Variants in HSF2 observed in about 807,000 individuals in gnomAD.
HSF2 encodes the protein heat shock factor protein 2.
In HSF2, 21 loss-of-function variants were observed where a neutral mutation model predicts 65.0. That is an observed-to-expected ratio of 0.32 (90% confidence interval 0.23 to 0.47). HSF2 has a LOEUF of 0.47. Ranked by LOEUF, HSF2 falls within the 20% of genes least tolerant of loss-of-function variation. The pLI is 1.00. For missense variants in HSF2, 499 were observed against 628.1 expected (o/e 0.79, Z 2.20); for synonymous variants, 225 against 219.1 (o/e 1.03, Z -0.24).
intron 11 of HSF2, among the ~76,000 whole-genome samples, chr6:122,430,380 A>G (rs1007540901): frequency 1.3e-5 from 2 of 152,060 alleles, no homozygotes; most frequent in East Asian, 1.9e-4. Flanking sequence ...TATTGTGTCT[A>G]TTTGAAATCC....
chr6:122,421,523 A>T (rs1359116894), intron 7 of HSF2, among the ~76,000 whole-genome samples: 1 of 151,670 alleles, frequency 6.6e-6, no homozygotes, highest in Non-Finnish European at 1.5e-5. Context: ...ATTATCTAGT[A>T]TTGGAATTTA....
chr6:122,423,576 CT>C lies in HSF2; in HGVS notation c.1071-3del. On this transcript the variant is annotated splice_polypyrimidine_tract_variant and splice_region_variant and intron_variant, in intron 9 of 12. Coordinates refer to ENST00000368455, the MANE Select transcript of HSF2 (RefSeq NM_004506.4). ...ATTTGATTAAAAAAATTTTTTTTTC[CT>C]TAGGGTTGAGCTGTTGGATTATCTT... The C allele has an allele frequency of 6.4e-7, 1 of 1,555,126 alleles. No homozygotes were observed. Among genetic ancestry groups the C allele is most frequent in the Non-Finnish European group, 8.7e-7 (1 of 1,148,978 alleles).
chr6:122,412,734 G>A lies in HSF2; in HGVS notation c.300G>A (p.Gln100=). Residue 100 remains glutamine, a synonymous_variant, in exon 3 of 13, where the codon CAG becomes CAA. Coordinates refer to ENST00000368455, the MANE Select transcript of HSF2 (RefSeq NM_004506.4). ...EFQHPYFKQG[Q]DDLLENIKRK... The stretch of plus-strand genomic sequence containing the variant: ...AGCATCCTTACTTCAAACAAGGACA[G>A]GATGACTTGTTGGAGAACATTAAAA... 1.9e-6 allele frequency: 3 copies of A among 1,612,972 alleles called. No homozygotes were observed. The highest frequency in any genetic ancestry group is 2.5e-6 in the Non-Finnish European group (3 of 1,179,112).
At chr6:122,408,087 A>T (rs567862050) in intron 1 of HSF2, among the ~76,000 whole-genome samples, 1 of 151,910 alleles carries the variant, frequency 6.6e-6, no homozygotes. Context: ...AAAGGCTCTA[A>T]CTCCAAATAC....
intron 1 of HSF2, among the ~76,000 whole-genome samples, chr6:122,400,950 A>G (rs1201201098): frequency 2.0e-5 from 3 of 152,146 alleles, no homozygotes; most frequent in African/African-American, 7.2e-5. Context: ...CTGTTCTCCT[A>G]TTATAGGAAC....
intron 5 of HSF2, among the ~76,000 whole-genome samples, chr6:122,417,217 C>T (rs1774146386): frequency 6.6e-6 from 1 of 151,484 alleles, no homozygotes; most frequent in Non-Finnish European, 1.5e-5. Flanking sequence ...AGTGTTTAGT[C>T]CAAGTACATG....
chr6:122,400,709 T>A (rs151061260), intron 1 of HSF2, among the ~76,000 whole-genome samples: 1 of 152,288 alleles, frequency 6.6e-6, no homozygotes, highest in Non-Finnish European at 1.5e-5. Flanking sequence ...AATACAAGAT[T>A]TTAGGCAGAA....
intron 1 of HSF2, among the ~76,000 whole-genome samples, chr6:122,403,660 C>A (rs2114418191): frequency 6.6e-6 from 1 of 152,194 alleles, no homozygotes; most frequent in Admixed American, 6.5e-5. Flanking sequence ...TACATATTTC[C>A]ATTTTCTCCT....
chr6:122,432,372 A>C lies in HSF2; in HGVS notation c.*152A>C, dbSNP rs1774494548. 1.6e-6 allele frequency: 1 copy of C among 633,814 alleles called. No homozygotes were observed. Among genetic ancestry groups the C allele is most frequent in the South Asian group, 2.0e-5 (1 of 49,878 alleles). 39.3% of individuals were successfully genotyped at this position (633,814 alleles called of 1,614,324 possible). A position where few individuals can be genotyped will look rare whatever the true frequency, so the allele number is the denominator to read the frequency against. On this transcript the variant is annotated 3_prime_UTR_variant, in exon 13 of 13. Coordinates refer to ENST00000368455, the MANE Select transcript of HSF2 (RefSeq NM_004506.4). Reference sequence around the variant, plus strand: ...GCACCTTTTGCTTTTCTCACTAACCACACACTCTTGCAGAGCTTTCAGGTG... The same window carrying C: ...GCACCTTTTGCTTTTCTCACTAACCCCACACTCTTGCAGAGCTTTCAGGTG...
chr6:122,405,620 T>C (rs1261306281), intron 1 of HSF2, among the ~76,000 whole-genome samples: 1 of 152,142 alleles, frequency 6.6e-6, no homozygotes, highest in African/African-American at 2.4e-5. Context: ...TGGAACTTAC[T>C]GGAAATGCAT....
At chr6:122,414,478 GTATT>G (rs1774076992) in intron 4 of HSF2, among the ~76,000 whole-genome samples, 1 of 152,100 alleles carries the variant, frequency 6.6e-6, no homozygotes, top group South Asian at 2.1e-4. Context: ...CTCTTCTTGT[GTATT>G]TAACAACTTG....
At chr6:122,405,106 G>C (rs1277109904) in intron 1 of HSF2, among the ~76,000 whole-genome samples, 1 of 151,960 alleles carries the variant, frequency 6.6e-6, no homozygotes. Flanking sequence ...CTTACATTGA[G>C]TGGTGGATAT....
rs796160720 is a variant in HSF2 at position 122,426,082 on chromosome 6, C to G, written c.1177-1821C>G. 4.1e-4 allele frequency among the ~76,000 whole-genome samples: 62 copies of G among 152,206 alleles called. 1 individual carries two copies. Among genetic ancestry groups the G allele is most frequent in the African/African-American group, 1.3e-3 (54 of 41,556 alleles). ...ATCCAGTTTTCTAAAATAGCATTCACAAGCCATCCCTATATTCTGTTTTCA... is the reference window on the plus strand; with the variant it reads ...ATCCAGTTTTCTAAAATAGCATTCAGAAGCCATCCCTATATTCTGTTTTCA... On this transcript the variant is annotated intron_variant, in intron 10 of 12. Coordinates refer to ENST00000368455, the MANE Select transcript of HSF2 (RefSeq NM_004506.4).
intron 2 of HSF2, 36 bp from the exon 3 acceptor site, chr6:122,412,597 CTTGT>C (rs1168474869): frequency 1.9e-6 from 3 of 1,598,700 alleles, no homozygotes; most frequent in Admixed American, 1.7e-5. Context: ...CAAATTTTGA[CTTGT>C]TTATTTTAGT....
intron 7 of HSF2, among the ~76,000 whole-genome samples, chr6:122,421,119 T>A (rs1001551881): frequency 1.3e-5 from 2 of 152,120 alleles, no homozygotes; most frequent in Non-Finnish European, 2.9e-5. Context: ...AACTTTTTTT[T>A]ATTAATGTTC....
chr6:122,404,773 GAC>G lies in HSF2; in HGVS notation c.93+4945_93+4946del, dbSNP rs1159278908. Among the ~76,000 whole-genome samples, 15 of 152,240 alleles carry G rather than the reference GAC, an allele frequency of 9.9e-5. 1 individual carries two copies. In the East Asian group the frequency reaches 2.5e-3, roughly 25 times the overall value. Reference sequence around the variant, plus strand: ...TTGCTTGAACCTCACAGGTTTAAAAGACAGGAAGGTGAATTTTTGCACTCAAA... The same window carrying G: ...TTGCTTGAACCTCACAGGTTTAAAAGAGGAAGGTGAATTTTTGCACTCAAA... On this transcript the variant is annotated intron_variant, in intron 1 of 12. Transcript: ENST00000368455.
intron 1 of HSF2, among the ~76,000 whole-genome samples, chr6:122,408,181 A>G (rs1317540288): frequency 6.6e-6 from 1 of 152,108 alleles, no homozygotes; most frequent in African/African-American, 2.4e-5. Flanking sequence ...TCTTTATGCC[A>G]TTCCATTGGA....
chr6:122,409,488 A>G lies in HSF2; in HGVS notation c.94-2885A>G, dbSNP rs143648078. Among the ~76,000 whole-genome samples the G allele has an allele frequency of 5.3e-5, 8 of 152,116 alleles. No individual in the cohort carries two copies. In the East Asian group the frequency reaches 1.2e-3, roughly 22 times the overall value. On this transcript the variant is annotated intron_variant, in intron 1 of 12. Coordinates refer to ENST00000368455, the MANE Select transcript of HSF2 (RefSeq NM_004506.4). The stretch of plus-strand genomic sequence containing the variant: ...AATTTTGCAGTTAAGGAAAAGACAG[A>G]TGGGTAGATTGAAAAAGAAGGTATA...
In HSF2 at chr6:122,422,237, G is replaced by C; in HGVS notation, c.769G>C (p.Asp257His). 6.3e-7 allele frequency: 1 copy of C among 1,598,246 alleles called. No homozygotes were observed. The highest frequency in any genetic ancestry group is 8.6e-7 in the Non-Finnish European group (1 of 1,166,338). ...TTATGATGTTACTGATGATAATGCAGATGAAGAAAATATCCCAGTTATTCC... is the reference window on the plus strand; with the variant it reads ...TTATGATGTTACTGATGATAATGCACATGAAGAAAATATCCCAGTTATTCC... The part of the protein sequence containing the change: ...IIYDVTDDNA[D>H]EENIPVIPET... Residue 257 changes from aspartate to histidine, a missense_variant, in exon 8 of 13, where the codon GAT becomes CAT. Transcript: ENST00000368455.
Sources: gnomAD v4.1 joint callset for allele counts (sites outside exome capture counted in the v4.1 genomes callset) on GRCh38, gnomAD v4.1.1 for gene constraint, MANE v1.5 for transcripts, NCBI Gene and HGNC (gene_info 2026-07-23, HGNC 2026-07-21) for gene names.